The following MSN variants were observed in gnomAD, a reference collection of about 807,000 sequenced individuals.
The protein encoded by MSN is moesin.
In MSN, 2 loss-of-function variants were observed where a neutral mutation model predicts 48.0. That is an observed-to-expected ratio of 0.04 (90% CI 0.02 to 0.13). The LOEUF (loss-of-function observed/expected upper bound fraction) is 0.13. Ranked by LOEUF, MSN falls within the 10% of genes least tolerant of loss-of-function variation. The pLI is 1.00. For synonymous variants in MSN, 146 were observed against 166.9 expected, an observed-to-expected ratio of 0.87 and a Z score of 0.97; for missense variants, 267 against 470.1, an observed-to-expected ratio of 0.57 and a Z score of 3.99.
chrX:65,628,621 C>A (rs934227658), intron 1 of MSN, among the ~76,000 whole-genome samples: 5 of 112,014 alleles, frequency 4.5e-5, no homozygotes, highest in African/African-American at 1.3e-4. Context: ...CATTTTCCCC[C>A]ATGGTCTTGG....
At chrX:65,699,748 C>CAA (rs34875923) in intron 1 of MSN, among the ~76,000 whole-genome samples, 40 of 42,932 alleles carry the variant, frequency 9.3e-4, no homozygotes, top group Non-Finnish European at 1.3e-3. Flanking sequence ...GAATCTGTTT[C>CAA]AAAAAAAAAA....
chrX:65,626,647 A>G (rs1012652382), intron 1 of MSN, among the ~76,000 whole-genome samples: 4 of 111,321 alleles, frequency 3.6e-5, no homozygotes, highest in African/African-American at 9.8e-5. Flanking sequence ...CAACAACAAC[A>G]GAAAAGCAAA....
intron 1 of MSN, among the ~76,000 whole-genome samples, chrX:65,631,575 CT>C (rs754598181): frequency 8.9e-6 from 1 of 111,900 alleles, no homozygotes; most frequent in East Asian, 2.8e-4. Context: ...TAGTTCATTC[CT>C]TTTTACTGCT....
chrX:65,738,150 C>A (rs1416201941), intron 10 of MSN, among the ~76,000 whole-genome samples: 1 of 112,212 alleles, frequency 8.9e-6, no homozygotes, highest in East Asian at 2.8e-4. Context: ...TTAGTCGAAT[C>A]CTGAGCATTC....
upstream of MSN, among the ~76,000 whole-genome samples, chrX:65,667,160 G>T (rs1242507340): frequency 8.9e-6 from 1 of 112,034 alleles, no homozygotes; most frequent in Non-Finnish European, 1.9e-5. Flanking sequence ...GGCCTTTGAG[G>T]AGCTGTTAGG....
intron 1 of MSN, among the ~76,000 whole-genome samples, chrX:65,649,508 G>A (rs1037148090): frequency 2.0e-5 from 2 of 102,501 alleles, no homozygotes; most frequent in East Asian, 3.0e-4. Flanking sequence ...CCCGGGAGGC[G>A]GAGGTTGCAG....
chrX:65,646,328 G>A (rs2070694831), intron 1 of MSN, among the ~76,000 whole-genome samples: 1 of 111,758 alleles, frequency 8.9e-6, no homozygotes, highest in South Asian at 3.7e-4. Context: ...TTAAAGTTGT[G>A]TTTATTTAAT....
At position 65,722,265 on chromosome X, in the gene MSN, A is replaced by T. The variant is rs186504431; in HGVS notation, c.96+5364A>T. Reference sequence around the variant, plus strand: ...TTGCTTTCAGGTGGGTGGCTGATGCAGATGCTGCCAAATCTGTAATGGTAT... The same window carrying T: ...TTGCTTTCAGGTGGGTGGCTGATGCTGATGCTGCCAAATCTGTAATGGTAT... On this transcript the variant is annotated intron_variant, in intron 2 of 12. Transcript: ENST00000360270. 1.2e-4 allele frequency among the ~76,000 whole-genome samples: 13 copies of T among 111,359 alleles called. No homozygotes were observed. In the East Asian group the frequency reaches 3.7e-3, roughly 31 times the overall value.
upstream of MSN, among the ~76,000 whole-genome samples, chrX:65,665,045 T>A (rs2070856644): frequency 9.0e-6 from 1 of 110,719 alleles, no homozygotes; most frequent in Non-Finnish European, 1.9e-5. Flanking sequence ...CCACCACACC[T>A]GGTCCTTGTT....
chrX:65,695,532 A>AAAAAAC (rs1407800960), intron 1 of MSN, among the ~76,000 whole-genome samples: 23 of 107,417 alleles, frequency 2.1e-4, no homozygotes, highest in African/African-American at 7.5e-4. Context: ...AAAAAAAAAA[A>AAAAAAC]AACAAAGAAA....
At chrX:65,632,951 A>T (rs2070569846) in intron 1 of MSN, among the ~76,000 whole-genome samples, 1 of 111,911 alleles carries the variant, frequency 8.9e-6, no homozygotes, top group Non-Finnish European at 1.9e-5. Flanking sequence ...ATTTCTCAGG[A>T]GAAGTAATCC....
chrX:65,718,615 C>T (rs2071488163), intron 2 of MSN, among the ~76,000 whole-genome samples: 1 of 110,079 alleles, frequency 9.1e-6, no homozygotes, highest in South Asian at 3.9e-4. Context: ...CCCAGGGGCT[C>T]GAGACCAGCC....
chrX:65,739,677 A>C, intron 12 of MSN, 52 bp from the exon 13 acceptor site: 1 of 1,141,402 alleles, frequency 8.8e-7, no homozygotes, highest in Non-Finnish European at 1.2e-6. Flanking sequence ...AAATAACAGG[A>C]GGTAAAATGA....
chrX:65,701,598 G>A (rs2071305151), intron 1 of MSN, among the ~76,000 whole-genome samples: 1 of 112,122 alleles, frequency 8.9e-6, no homozygotes, highest in African/African-American at 3.2e-5. Context: ...GCTTGGGGTG[G>A]TGTCCAGAAG....
chrX:65,664,903 C>T (rs61570609), upstream of MSN, among the ~76,000 whole-genome samples: 1,517 of 110,032 alleles, frequency 0.014, 25 homozygotes, highest in African/African-American at 0.047. Flanking sequence ...GCACATGCCA[C>T]CACACCCAGC....
intron 2 of MSN, among the ~76,000 whole-genome samples, chrX:65,723,005 A>C (rs1169506443): frequency 5.4e-5 from 6 of 111,005 alleles, no homozygotes; most frequent in Non-Finnish European, 1.1e-4. Flanking sequence ...ATAATTAACG[A>C]GGATGTACTC....
intron 1 of MSN, among the ~76,000 whole-genome samples, chrX:65,668,131 G>A (rs1370891668): frequency 8.9e-6 from 1 of 112,717 alleles, no homozygotes; most frequent in African/African-American, 3.2e-5. Context: ...GGACGGCTTC[G>A]TTGGGGCCTG....
At chrX:65,716,377 G>A (rs777045946) in intron 1 of MSN, among the ~76,000 whole-genome samples, 2 of 111,037 alleles carry the variant, frequency 1.8e-5, no homozygotes, top group Non-Finnish European at 3.8e-5. Context: ...CTGGGTTCCA[G>A]TGATTCTCAT....
intron 1 of MSN, among the ~76,000 whole-genome samples, chrX:65,670,897 TATATATATATA>T (rs1236259648): frequency 3.1e-3 from 1 of 327 alleles, no homozygotes; most frequent in Non-Finnish European, 0.01. Flanking sequence ...TGATGACAGT[TATATATATATA>T]TATATATATA....
Sources: gnomAD v4.1 joint callset for allele counts (sites outside exome capture counted in the v4.1 genomes callset) on GRCh38, gnomAD v4.1.1 for gene constraint, MANE v1.5 for transcripts, NCBI Gene and HGNC (gene_info 2026-07-23, HGNC 2026-07-21) for gene names.